Variants in CCSER1 observed in about 807,000 individuals in gnomAD.
CCSER1 encodes the protein coiled-coil serine rich protein 1.
Under a neutral mutation model 82.0 loss-of-function variants are expected in CCSER1, and 41 were observed. The ratio of observed to expected loss-of-function variants is 0.50; its 90% CI spans 0.39 to 0.65. The LOEUF (loss-of-function observed/expected upper bound fraction) is 0.65, where lower values mean the gene tolerates loss of function less well. Ranked by LOEUF, CCSER1 falls within the 30% of genes least tolerant of loss-of-function variation. CCSER1 has a pLI of 0.00. For synonymous variants in CCSER1, 414 were observed against 383.9 expected (o/e 1.08, Z -0.92); for missense variants, 1,119 against 1,064.2 (o/e 1.05, Z -0.72).
chr4:91,550,063 A>G (rs1762089295), intron 10 of CCSER1, among the ~76,000 whole-genome samples: 1 of 152,152 alleles, frequency 6.6e-6, no homozygotes, highest in Non-Finnish European at 1.5e-5. Context: ...CACTGGCTAC[A>G]GTTGGGTATT....
intron 10 of CCSER1, among the ~76,000 whole-genome samples, chr4:91,417,457 A>G (rs1396178662): frequency 6.6e-6 from 1 of 152,184 alleles, no homozygotes; most frequent in African/African-American, 2.4e-5. Flanking sequence ...TTCATCAATG[A>G]TAGACTGGAT....
At chr4:90,641,329 A>G (rs1392734390) in intron 6 of CCSER1, among the ~76,000 whole-genome samples, 1 of 152,168 alleles carries the variant, frequency 6.6e-6, no homozygotes, top group African/African-American at 2.4e-5. Context: ...TTAAAGAGTA[A>G]GAAGATGCTA....
At chr4:91,488,389 T>C (rs1758336885) in intron 10 of CCSER1, among the ~76,000 whole-genome samples, 1 of 152,140 alleles carries the variant, frequency 6.6e-6, no homozygotes, top group African/African-American at 2.4e-5. Flanking sequence ...TCAATAAACA[T>C]TTACTGAGAA....
intron 9 of CCSER1, among the ~76,000 whole-genome samples, chr4:91,043,774 G>C (rs1358393923): frequency 6.6e-6 from 1 of 152,002 alleles, no homozygotes; most frequent in African/African-American, 2.4e-5. Context: ...TTTTAGTAGA[G>C]ACGGGGTTTT....
At chr4:90,836,191 C>G (rs1761780604) in intron 8 of CCSER1, among the ~76,000 whole-genome samples, 1 of 152,110 alleles carries the variant, frequency 6.6e-6, no homozygotes, top group Non-Finnish European at 1.5e-5. Flanking sequence ...CATCCATGCC[C>G]CACATTCCCT....
chr4:90,132,793 A>T (rs1224515691), intron 1 of CCSER1, among the ~76,000 whole-genome samples: 2 of 152,192 alleles, frequency 1.3e-5, no homozygotes, highest in Non-Finnish European at 1.5e-5. Context: ...CATCATTTAC[A>T]CTGCACTAAC....
At chr4:90,878,052 T>C (rs1429659071) in intron 8 of CCSER1, among the ~76,000 whole-genome samples, 2 of 152,156 alleles carry the variant, frequency 1.3e-5, no homozygotes, top group African/African-American at 2.4e-5. Flanking sequence ...TGTGTTCCCT[T>C]CCATTCTCCC....
chr4:90,486,338 A>G (rs1767053768), intron 5 of CCSER1, among the ~76,000 whole-genome samples: 1 of 152,308 alleles, frequency 6.6e-6, no homozygotes, highest in South Asian at 2.1e-4. Context: ...AAGTCCTGAC[A>G]TGGACTGCTT....
At chr4:91,163,040 A>G (rs1361617463) in intron 10 of CCSER1, among the ~76,000 whole-genome samples, 1 of 152,158 alleles carries the variant, frequency 6.6e-6, no homozygotes, top group Non-Finnish European at 1.5e-5. Context: ...TCAATTTTAC[A>G]TATTCCCTGC....
At chr4:91,532,750 C>T (rs1423800652) in intron 10 of CCSER1, among the ~76,000 whole-genome samples, 3 of 151,712 alleles carry the variant, frequency 2.0e-5, no homozygotes, top group Non-Finnish European at 4.4e-5. Context: ...CACCTATAGT[C>T]CCCCAGCTAC....
At chr4:90,885,137 A>T (rs540430132) in intron 8 of CCSER1, among the ~76,000 whole-genome samples, 36 of 152,044 alleles carry the variant, frequency 2.4e-4, no homozygotes, top group Admixed American at 2.2e-3. Flanking sequence ...AAGTCACATA[A>T]TTTTTTTTCT....
At chr4:90,816,893 T>G (rs1395846662) in intron 8 of CCSER1, among the ~76,000 whole-genome samples, 1 of 152,130 alleles carries the variant, frequency 6.6e-6, no homozygotes, top group East Asian at 1.9e-4. Context: ...ATGTTTTCCC[T>G]GAAACTTGAT....
intron 10 of CCSER1, among the ~76,000 whole-genome samples, chr4:91,309,069 C>A (rs1001913782): frequency 6.6e-6 from 1 of 151,860 alleles, no homozygotes; most frequent in African/African-American, 2.4e-5. Flanking sequence ...CTTTCCCTTG[C>A]ATATTATTCT....
chr4:91,124,758 T>C (rs1207420225), intron 10 of CCSER1, among the ~76,000 whole-genome samples: 1 of 151,892 alleles, frequency 6.6e-6, no homozygotes, highest in Non-Finnish European at 1.5e-5. Context: ...AAAGGATGAA[T>C]GAATAAATCA....
intron 1 of CCSER1, among the ~76,000 whole-genome samples, chr4:90,212,401 A>C (rs1162169544): frequency 6.6e-6 from 1 of 152,174 alleles, no homozygotes. Flanking sequence ...TGAAAATTCC[A>C]TCTTAAGGGA....
intron 10 of CCSER1, among the ~76,000 whole-genome samples, chr4:91,426,233 C>T (rs369454023): frequency 6.6e-6 from 1 of 152,200 alleles, no homozygotes; most frequent in African/African-American, 2.4e-5. Flanking sequence ...TTTTTTATGG[C>T]TGCATAGTAT....
intron 3 of CCSER1, among the ~76,000 whole-genome samples, chr4:90,364,144 T>C (rs1014631373): frequency 1.4e-4 from 21 of 152,068 alleles, no homozygotes; most frequent in African/African-American, 3.9e-4. Context: ...AAAATAATCT[T>C]TGGGTAACAC....
chr4:90,757,816 C>A (rs1749776956), intron 7 of CCSER1, among the ~76,000 whole-genome samples: 1 of 151,942 alleles, frequency 6.6e-6, no homozygotes, highest in Middle Eastern at 3.4e-3. Context: ...TTTTAAATCT[C>A]AATATTTACT....
At chr4:91,367,860 G>A (rs1749749007) in intron 10 of CCSER1, among the ~76,000 whole-genome samples, 1 of 152,084 alleles carries the variant, frequency 6.6e-6, no homozygotes. Flanking sequence ...ATTATTTTAT[G>A]AGTAGCTCTG....
Sources: allele counts gnomAD v4.1 joint callset (sites outside exome capture counted in the v4.1 genomes callset), GRCh38; gene constraint gnomAD v4.1.1; transcripts MANE v1.5; gene names NCBI Gene and HGNC (gene_info 2026-07-23, HGNC 2026-07-21).